USH2A: variants seen among roughly 807,000 people sequenced by gnomAD.
USH2A encodes the protein usherin.
USH2A carries 443 observed loss-of-function variants against 538.9 expected under a neutral mutation model. The ratio of observed to expected loss-of-function variants is 0.82; its 90% CI spans 0.76 to 0.89. The LOEUF is 0.89. Among genes scored for constraint, USH2A ranks in the 40% least tolerant of loss-of-function variants. The pLI is 0.00. For missense variants in USH2A, 6,633 were observed against 6,324.8 expected (o/e 1.05, Z -1.65); for synonymous variants, 2,413 against 2,273.5 (o/e 1.06, Z -1.75).
At chr1:215,792,146 T>C (rs1661999956) in intron 50 of USH2A, among the ~76,000 whole-genome samples, 1 of 152,210 alleles carries the variant, frequency 6.6e-6, no homozygotes, top group Non-Finnish European at 1.5e-5. Flanking sequence ...GGTTTCACTA[T>C]GCTTTAAGTA....
rs774388489 is a variant in USH2A at position 216,251,093 on chromosome 1, T to C, written c.1977A>G (p.Gly659=). 7.4e-6 allele frequency: 12 copies of C among 1,613,956 alleles called. No individual in the cohort carries two copies. The East Asian group carries it at 2.5e-4, about 33-fold the overall frequency. The change falls in exon 12 of 72, where the codon GGA becomes GGG. Residue 659 remains glycine (G), a synonymous_variant. Transcript: ENST00000307340. ...CGTGTCTCTTACAATTACACTGTCCTCCAATCTAGAGAAGATACAACATTT... is the reference window on the plus strand; with the variant it reads ...CGTGTCTCTTACAATTACACTGTCCCCCAATCTAGAGAAGATACAACATTT... ...RNGSILCDQI[G]GQCNCKRHVS... is the part of the protein sequence containing the mutation.
chr1:216,090,839 T>G (rs1004800746), intron 22 of USH2A, among the ~76,000 whole-genome samples: 5 of 152,166 alleles, frequency 3.3e-5, no homozygotes, highest in Admixed American at 3.3e-4. Context: ...TAGCATACCC[T>G]TGCTAATGAT....
intron 11 of USH2A, among the ~76,000 whole-genome samples, chr1:216,273,846 A>G (rs2036620622): frequency 1.3e-5 from 2 of 151,408 alleles, no homozygotes; most frequent in African/African-American, 4.8e-5. Flanking sequence ...GCACACATTC[A>G]TAGTTTTTAA....
At chr1:216,168,225 G>C (rs1225637300) in intron 21 of USH2A, among the ~76,000 whole-genome samples, 1 of 151,898 alleles carries the variant, frequency 6.6e-6, no homozygotes, top group East Asian at 1.9e-4. Flanking sequence ...GAATGAAGGG[G>C]AAATTAAAAT....
At chr1:215,667,110 G>A (rs574487843) in intron 64 of USH2A, among the ~76,000 whole-genome samples, 9 of 151,946 alleles carry the variant, frequency 5.9e-5, no homozygotes, top group Admixed American at 1.3e-4. Flanking sequence ...AAAAAATACT[G>A]GTTGCTGGGG....
chr1:216,201,914 G>A (rs1471686137), intron 16 of USH2A: 1 of 154,708 alleles, frequency 6.5e-6, no homozygotes, highest in Non-Finnish European at 1.5e-5. Flanking sequence ...TGCTAAGGCA[G>A]AGCACCCAAA....
chr1:215,961,771 T>G (rs1437105575), intron 37 of USH2A, among the ~76,000 whole-genome samples: 1 of 151,810 alleles, frequency 6.6e-6, no homozygotes, highest in Non-Finnish European at 1.5e-5. Context: ...ATAAGGATTA[T>G]TCAGTAAATG....
At chr1:215,739,279 T>A (rs993191058) in intron 60 of USH2A, among the ~76,000 whole-genome samples, 1 of 152,224 alleles carries the variant, frequency 6.6e-6, no homozygotes, top group African/African-American at 2.4e-5. Context: ...TATTACTCTT[T>A]ATATCATTGT....
chr1:215,831,017 C>T (rs993668872), intron 47 of USH2A, among the ~76,000 whole-genome samples: 8 of 151,972 alleles, frequency 5.3e-5, no homozygotes, highest in Non-Finnish European at 1.0e-4. Context: ...AGGAATCAAT[C>T]GAAAAATCAC....
chr1:216,289,557 T>A, intron 10 of USH2A, 147 bp from the exon 11 acceptor site: 1 of 1,060,922 alleles, frequency 9.4e-7, no homozygotes, highest in Non-Finnish European at 1.4e-6. Context: ...ACCTGCCAAT[T>A]TAGTGATCCA....
At chr1:216,070,612 C>G (rs1338929538) in intron 29 of USH2A, among the ~76,000 whole-genome samples, 1 of 151,898 alleles carries the variant, frequency 6.6e-6, no homozygotes, top group Non-Finnish European at 1.5e-5. Flanking sequence ...AGGCAGATAA[C>G]AAGTTCAAGC....
chr1:215,982,856 A>G (rs1272935094), intron 35 of USH2A, among the ~76,000 whole-genome samples: 1 of 152,230 alleles, frequency 6.6e-6, no homozygotes, highest in Non-Finnish European at 1.5e-5. Context: ...GAAGGAAAAC[A>G]TGGGATAGAG....
At chr1:215,904,796 A>G (rs1665590446) in intron 38 of USH2A, among the ~76,000 whole-genome samples, 3 of 152,128 alleles carry the variant, frequency 2.0e-5, no homozygotes, top group Non-Finnish European at 4.4e-5. Context: ...AACTCAAAGG[A>G]AGTGGGTTTT....
intron 11 of USH2A, among the ~76,000 whole-genome samples, chr1:216,270,822 G>C (rs558668346): frequency 2.6e-5 from 4 of 151,480 alleles, no homozygotes; most frequent in African/African-American, 7.3e-5. Context: ...CAGTCCTCTC[G>C]CCTCAGCCTC....
At chr1:215,650,440 G>T in intron 65 of USH2A, 152 bp downstream of exon 65, 2 of 898,694 alleles carry the variant, frequency 2.2e-6, no homozygotes, top group Non-Finnish European at 3.6e-6. Flanking sequence ...TTTCTTCTCT[G>T]AGGGATATTT....
chr1:216,267,386 G>T (rs966722286), intron 11 of USH2A, among the ~76,000 whole-genome samples: 27 of 152,212 alleles, frequency 1.8e-4, no homozygotes, highest in African/African-American at 6.3e-4. Context: ...GGATTTGGAG[G>T]CATGAGCCTA....
chr1:215,962,645 G>A (rs1667230700), intron 37 of USH2A, among the ~76,000 whole-genome samples: 1 of 111,162 alleles, frequency 9.0e-6, no homozygotes, highest in African/African-American at 3.0e-5. Flanking sequence ...GGAAATATGT[G>A]TTTGTTTATG....
chr1:215,759,154 C>G (rs1410860660), intron 57 of USH2A, among the ~76,000 whole-genome samples: 1 of 152,132 alleles, frequency 6.6e-6, no homozygotes, highest in Non-Finnish European at 1.5e-5. Flanking sequence ...TTGATCTCTA[C>G]TTTCTACAGT....
intron 43 of USH2A, among the ~76,000 whole-genome samples, chr1:215,872,539 C>T (rs894248205): frequency 6.6e-6 from 1 of 152,124 alleles, no homozygotes; most frequent in Non-Finnish European, 1.5e-5. Flanking sequence ...GAAAGAAATA[C>T]AGCCAATGAA....
Sources: allele counts gnomAD v4.1 joint callset (sites outside exome capture counted in the v4.1 genomes callset), GRCh38; gene constraint gnomAD v4.1.1; transcripts MANE v1.5; gene names NCBI Gene and HGNC (gene_info 2026-07-23, HGNC 2026-07-21).